Variants in SLC44A1 observed in about 807,000 individuals in gnomAD.
The protein encoded by SLC44A1 is solute carrier family 44 member 1.
In SLC44A1, 26 loss-of-function variants were observed where a neutral mutation model predicts 79.3. That is an observed-to-expected ratio of 0.33 (90% CI 0.24 to 0.46). The LOEUF is 0.46. SLC44A1 is among the 20% of genes least tolerant of loss of function. The pLI is 1.00. For synonymous variants in SLC44A1, 263 were observed against 286.2 expected (o/e 0.92, Z 0.82); for missense variants, 688 against 798.1 (o/e 0.86, Z 1.66).
At chr9:105,359,745 A>G (rs1827726358) in intron 7 of SLC44A1, among the ~76,000 whole-genome samples, 1 of 152,096 alleles carries the variant, frequency 6.6e-6, no homozygotes, top group African/African-American at 2.4e-5. Flanking sequence ...TTTTCCAGAC[A>G]ATTTTCTTGT....
intron 8 of SLC44A1, 138 bp downstream of exon 8, chr9:105,361,468 T>A: frequency 1.2e-6 from 1 of 814,050 alleles, no homozygotes; most frequent in Non-Finnish European, 1.9e-6. Context: ...CCATAGTGTA[T>A]GAAACACTAA....
intron 1 of SLC44A1, among the ~76,000 whole-genome samples, chr9:105,258,048 A>G (rs1257089310): frequency 1.3e-5 from 2 of 152,218 alleles, no homozygotes; most frequent in East Asian, 3.8e-4. Flanking sequence ...AACAGGAAAC[A>G]GAGAAGAGTT....
chr9:105,386,638 ATTC>A (rs71501467), intron 15 of SLC44A1: 27,188 of 156,216 alleles, frequency 0.17, 4,256 homozygotes, highest in African/African-American at 0.42. Context: ...GCCCAAGACA[ATTC>A]TTCTTCCAGG....
intron 2 of SLC44A1, among the ~76,000 whole-genome samples, chr9:105,307,820 AT>A (rs1484817777): frequency 1.3e-5 from 2 of 151,900 alleles, no homozygotes; most frequent in Non-Finnish European, 2.9e-5. Flanking sequence ...AGGATTAAAT[AT>A]TTTTTTTCTA....
intron 1 of SLC44A1, among the ~76,000 whole-genome samples, chr9:105,252,882 G>A (rs1588702276): frequency 6.6e-6 from 1 of 152,078 alleles, no homozygotes; most frequent in East Asian, 1.9e-4. Context: ...TTGAATTTAT[G>A]CATTGTGTAA....
intron 1 of SLC44A1, among the ~76,000 whole-genome samples, chr9:105,296,552 TCC>T (rs905613320): frequency 7.2e-5 from 11 of 152,150 alleles, no homozygotes; most frequent in Admixed American, 5.9e-4. Flanking sequence ...CTCCCTTTCT[TCC>T]CTCCCCATAC....
At chr9:105,427,348 TCTC>T (rs1433400480) in intron 15 of SLC44A1, among the ~76,000 whole-genome samples, 1 of 152,232 alleles carries the variant, frequency 6.6e-6, no homozygotes, top group Admixed American at 6.5e-5. Flanking sequence ...ATTCAATAAT[TCTC>T]CTATAATTGA....
intron 15 of SLC44A1, among the ~76,000 whole-genome samples, chr9:105,418,736 C>T (rs1829207080): frequency 6.6e-6 from 1 of 152,190 alleles, no homozygotes; most frequent in Admixed American, 6.5e-5. Context: ...CACAGATAAG[C>T]AGCTTGTGCC....
intron 15 of SLC44A1, among the ~76,000 whole-genome samples, chr9:105,427,860 A>T (rs1453142297): frequency 2.0e-5 from 3 of 152,186 alleles, no homozygotes; most frequent in Non-Finnish European, 4.4e-5. Context: ...ATCACCCTTA[A>T]TAATAACGGC....
chr9:105,391,152 T>G lies in SLC44A1; in HGVS notation c.*2096T>G. On this transcript the variant is annotated 3_prime_UTR_variant, in exon 16 of 16. Transcript: ENST00000374720. ...AATTTTAAGAGGTGTCCCTCCAAAG[T>G]GACCTGATGGAAGTCCTGAACTTGG... 1 of 985,698 alleles carries G rather than the reference T, an allele frequency of 1.0e-6. No individual in the cohort carries two copies. Among genetic ancestry groups the G allele is most frequent in the Non-Finnish European group, 1.2e-6 (1 of 829,878 alleles). The allele number at this position is 985,698 out of a possible 1,614,324, so 61.1% of individuals were successfully genotyped here.
intron 4 of SLC44A1, among the ~76,000 whole-genome samples, chr9:105,338,494 A>C (rs965896776): frequency 2.6e-5 from 4 of 152,072 alleles, no homozygotes; most frequent in African/African-American, 9.7e-5. Flanking sequence ...GATTCATTGC[A>C]GCCTTGTACT....
intron 1 of SLC44A1, among the ~76,000 whole-genome samples, chr9:105,261,956 T>C (rs1038894730): frequency 2.0e-5 from 3 of 151,998 alleles, no homozygotes; most frequent in Non-Finnish European, 4.4e-5. Flanking sequence ...ATTTTATTTT[T>C]TTATTTTTAG....
intron 1 of SLC44A1, among the ~76,000 whole-genome samples, chr9:105,277,447 G>A (rs1254818980): frequency 6.6e-6 from 1 of 152,082 alleles, no homozygotes; most frequent in Non-Finnish European, 1.5e-5. Flanking sequence ...TAGCTAACTG[G>A]GTTTCAAAGA....
chr9:105,256,137 C>T lies in SLC44A1; in HGVS notation c.36+11233C>T, dbSNP rs559927312. The stretch of plus-strand genomic sequence containing the variant: ...AAGCAATCCTCCCACCTCAGCCTCC[C>T]GAGTAGCTGGGACTGCAGGCATGTA... On this transcript the variant is annotated intron_variant, in intron 1 of 15. Transcript: ENST00000374720. Among the ~76,000 whole-genome samples the T allele has an allele frequency of 6.1e-4, 93 of 152,130 alleles. 3 individuals carry two copies. The South Asian group carries it at 0.018, about 29-fold the overall frequency.
At chr9:105,333,884 T>TG (rs1450553854) in intron 3 of SLC44A1, among the ~76,000 whole-genome samples, 2 of 151,734 alleles carry the variant, frequency 1.3e-5, no homozygotes, top group Non-Finnish European at 2.9e-5. Context: ...GTGGTGGTGG[T>TG]GGTGGTAGCA....
intron 4 of SLC44A1, 93 bp downstream of exon 4, chr9:105,335,792 A>G: frequency 8.7e-7 from 1 of 1,151,176 alleles, no homozygotes; most frequent in Non-Finnish European, 1.2e-6. Context: ...TTATCAAGGA[A>G]CCTTAGATAA....
chr9:105,328,672 T>G (rs560309726), intron 3 of SLC44A1, among the ~76,000 whole-genome samples: 2 of 152,344 alleles, frequency 1.3e-5, no homozygotes, highest in South Asian at 4.1e-4. Context: ...AAGTTTCTCT[T>G]CTTAGCAGTT....
chr9:105,259,660 A>G (rs1351983946), intron 1 of SLC44A1, among the ~76,000 whole-genome samples: 1 of 152,234 alleles, frequency 6.6e-6, no homozygotes. Flanking sequence ...CAATTCTGAA[A>G]CCACAGGTGT....
At chr9:105,355,318 A>C (rs989620952) in intron 5 of SLC44A1, among the ~76,000 whole-genome samples, 1 of 152,362 alleles carries the variant, frequency 6.6e-6, no homozygotes, top group South Asian at 2.1e-4. Context: ...ACATAGCTCT[A>C]GTCTTTCACA....
Sources: gnomAD v4.1 joint callset for allele counts (sites outside exome capture counted in the v4.1 genomes callset) on GRCh38, gnomAD v4.1.1 for gene constraint, MANE v1.5 for transcripts, NCBI Gene and HGNC (gene_info 2026-07-23, HGNC 2026-07-21) for gene names.